SAMD12: variants seen among roughly 807,000 people sequenced by gnomAD.
The protein encoded by SAMD12 is sterile alpha motif domain-containing protein 12.
SAMD12 carries 9 observed loss-of-function variants against 15.0 expected under a neutral mutation model. The observed-to-expected ratio is 0.60, with a 90% CI of 0.36 to 1.05. The LOEUF (loss-of-function observed/expected upper bound fraction) is 1.05, where lower values mean the gene tolerates loss of function less well. Ranked by LOEUF, SAMD12 falls within the 50% of genes least tolerant of loss-of-function variation. The probability of loss-of-function intolerance (pLI) is 0.01; values close to 1 mark genes in which losing one functional copy is unlikely to be tolerated. For synonymous variants in SAMD12, 86 were observed against 90.1 expected (o/e 0.96, Z 0.25); for missense variants, 230 against 234.2 (o/e 0.98, Z 0.12).
intron 4 of SAMD12, among the ~76,000 whole-genome samples, chr8:118,212,109 A>C (rs11562799): frequency 0.031 from 4,727 of 151,066 alleles, 221 homozygotes; most frequent in African/African-American, 0.098. Context: ...TATTTCATTA[A>C]ATCCAAGATA....
downstream of SAMD12, among the ~76,000 whole-genome samples, chr8:118,186,793 G>C (rs532341492): frequency 6.6e-5 from 10 of 152,238 alleles, no homozygotes; most frequent in Non-Finnish European, 8.8e-5. Flanking sequence ...TATGGAAAAG[G>C]GTTGAGATTT....
At chr8:118,181,565 G>A in the SAMD12 span, among the ~76,000 whole-genome samples, 1 of 152,224 alleles carries the variant, frequency 6.6e-6, no homozygotes, top group Non-Finnish European at 1.5e-5. Context: ...ACAGGTGGAT[G>A]TCATGAGAGA....
chr8:118,482,940 G>A (rs188190796), intron 2 of SAMD12, among the ~76,000 whole-genome samples: 11 of 152,276 alleles, frequency 7.2e-5, no homozygotes, highest in Non-Finnish European at 1.3e-4. Context: ...GGGAAGCCAC[G>A]AGGAAGAGAA....
chr8:118,319,324 C>A (rs1340396574), intron 4 of SAMD12, among the ~76,000 whole-genome samples: 9 of 152,078 alleles, frequency 5.9e-5, no homozygotes, highest in African/African-American at 2.2e-4. Flanking sequence ...CAAGTAAGAA[C>A]CTTCCTGACC....
intron 3 of SAMD12, among the ~76,000 whole-genome samples, chr8:118,409,185 A>G (rs1319308417): frequency 6.6e-6 from 1 of 152,136 alleles, no homozygotes; most frequent in Non-Finnish European, 1.5e-5. Context: ...CTGATACAGA[A>G]AGTTAATTTT....
At chr8:118,548,639 C>G (rs533043746) in intron 2 of SAMD12, among the ~76,000 whole-genome samples, 1 of 152,170 alleles carries the variant, frequency 6.6e-6, no homozygotes. Context: ...TCTGAGGTAC[C>G]GGGTTCATCT....
chr8:118,446,885 T>C (rs1429448309), intron 2 of SAMD12, among the ~76,000 whole-genome samples: 3 of 152,218 alleles, frequency 2.0e-5, no homozygotes, highest in Non-Finnish European at 4.4e-5. Context: ...CTCAGTTTTC[T>C]TCCTGAACTA....
intron 2 of SAMD12, among the ~76,000 whole-genome samples, chr8:118,491,202 C>G (rs1415261370): frequency 6.6e-6 from 1 of 152,166 alleles, no homozygotes; most frequent in African/African-American, 2.4e-5. Flanking sequence ...TTCTCACTTT[C>G]CAAATCCTTA....
the SAMD12 span, among the ~76,000 whole-genome samples, chr8:118,164,257 A>T: frequency 6.6e-6 from 1 of 152,208 alleles, no homozygotes; most frequent in African/African-American, 2.4e-5. Context: ...AGTGAGAGAA[A>T]TGTGAGCTCT....
At chr8:118,207,610 C>T (rs1000328118) in intron 4 of SAMD12, among the ~76,000 whole-genome samples, 5 of 152,156 alleles carry the variant, frequency 3.3e-5, no homozygotes, top group African/African-American at 7.2e-5. Flanking sequence ...TCTCTCATTG[C>T]TTCTACACCC....
At chr8:118,227,694 T>C (rs998235502) in intron 4 of SAMD12, among the ~76,000 whole-genome samples, 1 of 152,210 alleles carries the variant, frequency 6.6e-6, no homozygotes, top group Non-Finnish European at 1.5e-5. Flanking sequence ...ATTTAACTAA[T>C]ACAAAATGTT....
chr8:118,385,356 C>T (rs559628102), intron 3 of SAMD12, among the ~76,000 whole-genome samples: 2 of 152,252 alleles, frequency 1.3e-5, no homozygotes, highest in South Asian at 4.2e-4. Flanking sequence ...TGCCTGATGG[C>T]CTTTGCACTG....
intron 4 of SAMD12, among the ~76,000 whole-genome samples, chr8:118,286,341 G>A (rs1008552613): frequency 1.3e-5 from 2 of 152,044 alleles, no homozygotes; most frequent in Non-Finnish European, 2.9e-5. Flanking sequence ...AGCAAGCTGT[G>A]TTGGGCACTT....
At chr8:118,382,393 T>C (rs1205350189) in intron 3 of SAMD12, among the ~76,000 whole-genome samples, 1 of 152,244 alleles carries the variant, frequency 6.6e-6, no homozygotes, top group African/African-American at 2.4e-5. Flanking sequence ...TTCCAGTGCA[T>C]GCAGCTCAAC....
At chr8:118,453,160 T>C (rs1255672232) in intron 2 of SAMD12, among the ~76,000 whole-genome samples, 2 of 152,228 alleles carry the variant, frequency 1.3e-5, no homozygotes, top group Non-Finnish European at 2.9e-5. Context: ...TCTACAATAT[T>C]ACTTTTATTA....
At chr8:118,427,396 T>C (rs902426729) in intron 3 of SAMD12, among the ~76,000 whole-genome samples, 1 of 152,224 alleles carries the variant, frequency 6.6e-6, no homozygotes, top group Non-Finnish European at 1.5e-5. Context: ...ATCAAGTAGA[T>C]GATGTTTGAC....
chr8:118,444,491 T>A (rs1262345362), intron 2 of SAMD12, among the ~76,000 whole-genome samples: 2 of 152,172 alleles, frequency 1.3e-5, no homozygotes, highest in Non-Finnish European at 2.9e-5. Context: ...AAGAACTAAC[T>A]TTATGCAAAA....
Position 118,252,003 on chromosome 8 carries a change from A to G in SAMD12, c.434-54271T>C, listed in dbSNP as rs1812831309. On this transcript the variant is annotated intron_variant, in intron 4 of 4. Transcript: ENST00000409003. ...TATAAATATCTACATTTCCTTTTACATTCTCCTCTCTGAAGTTTCCTAGTC... is the reference window on the plus strand; with the variant it reads ...TATAAATATCTACATTTCCTTTTACGTTCTCCTCTCTGAAGTTTCCTAGTC... Among the ~76,000 whole-genome samples the G allele has an allele frequency of 3.3e-5, 5 of 152,212 alleles. No homozygotes were observed. In the South Asian group the frequency reaches 1.0e-3, roughly 32 times the overall value.
chr8:118,343,905 C>T (rs1009868119), intron 4 of SAMD12, among the ~76,000 whole-genome samples: 1 of 152,160 alleles, frequency 6.6e-6, no homozygotes, highest in African/African-American at 2.4e-5. Flanking sequence ...CTCTAAGTTT[C>T]AGCTATCTGA....
Sources: allele counts gnomAD v4.1 joint callset (sites outside exome capture counted in the v4.1 genomes callset), GRCh38; gene constraint gnomAD v4.1.1; transcripts MANE v1.5; gene names NCBI Gene and HGNC (gene_info 2026-07-23, HGNC 2026-07-21).